Variants in AGBL1 observed in about 807,000 individuals in gnomAD.
AGBL1 encodes the protein cytosolic carboxypeptidase 4.
A neutral mutation model predicts 118.9 loss-of-function variants in AGBL1; 130 were observed. The observed-to-expected ratio is 1.09, with a 90% CI of 0.95 to 1.26. AGBL1 has a LOEUF of 1.26. Ranked by LOEUF, AGBL1 falls within the 50% of genes most tolerant of loss-of-function variation. The pLI is 0.00. For missense variants in AGBL1, 1,584 were observed against 1,298.1 expected, an observed-to-expected ratio of 1.22 and a Z score of -3.38; for synonymous variants, 555 against 478.9, an observed-to-expected ratio of 1.16 and a Z score of -2.08.
At chr15:86,429,944 T>A (rs1367337815) in intron 18 of AGBL1, among the ~76,000 whole-genome samples, 1 of 152,182 alleles carries the variant, frequency 6.6e-6, no homozygotes, top group Non-Finnish European at 1.5e-5. Flanking sequence ...GTGATGAAGC[T>A]TGGAGCTGCT....
At chr15:86,800,016 C>G (rs1403379318) in intron 22 of AGBL1, among the ~76,000 whole-genome samples, 2 of 152,022 alleles carry the variant, frequency 1.3e-5, no homozygotes, top group Non-Finnish European at 2.9e-5. Flanking sequence ...CTTTTGAGAG[C>G]GTCAAGTGGT....
At chr15:87,014,138 C>A (rs1185841746) in intron 24 of AGBL1, among the ~76,000 whole-genome samples, 5 of 152,156 alleles carry the variant, frequency 3.3e-5, no homozygotes, top group African/African-American at 9.7e-5. Flanking sequence ...TGATATGAAT[C>A]ATGATATAGC....
chr15:86,735,653 G>GCTATATATATATATATATAT (rs1555444825), intron 22 of AGBL1, among the ~76,000 whole-genome samples: 1 of 143,006 alleles, frequency 7.0e-6, no homozygotes, highest in African/African-American at 2.7e-5. Context: ...GCTACAAAGA[G>GCTATATATATATATATATAT]AGATATATAT....
chr15:86,860,974 G>C (rs1393623239), intron 22 of AGBL1, among the ~76,000 whole-genome samples: 1 of 152,114 alleles, frequency 6.6e-6, no homozygotes, highest in Non-Finnish European at 1.5e-5. Context: ...GATGTGGGAA[G>C]CTGTGTCAGT....
rs765274157 is a variant in AGBL1 at position 86,295,329 on chromosome 15, G to T, written c.2295G>T (p.Thr765=). The part of the protein sequence containing the change: ...VYFRQDVLCQ[T]LGGNPCPLVT... Reference sequence around the variant, plus strand: ...TCCGGCAAGATGTTCTCTGCCAGACGCTGGGAGGGAATCCGTGTCCCTTGG... The same window carrying T: ...TCCGGCAAGATGTTCTCTGCCAGACTCTGGGAGGGAATCCGTGTCCCTTGG... Residue 765 remains threonine (T), a synonymous_variant, in exon 17 of 23, where the codon ACG becomes ACT. Coordinates refer to ENST00000614907, the MANE Select transcript of AGBL1 (RefSeq NM_001386094.1). 5.5e-5 allele frequency: 88 copies of T among 1,613,408 alleles called. No homozygotes were observed. The Middle Eastern group carries it at 1.5e-3, about 27-fold the overall frequency.
chr15:86,342,480 A>AT (rs200330064), intron 17 of AGBL1, among the ~76,000 whole-genome samples: 4 of 152,144 alleles, frequency 2.6e-5, no homozygotes, highest in East Asian at 3.9e-4. Flanking sequence ...AAGATTAAAT[A>AT]TTTTTTTTAT....
Position 86,963,881 on chromosome 15 carries a change from T to C in AGBL1, c.3222-24106T>C, listed in dbSNP as rs113698710. On this transcript the variant is annotated intron_variant, in intron 23 of 24. Coordinates refer to the AGBL1 transcript ENST00000441037. Reference sequence around the variant, plus strand: ...GAGCTGGGCTCAGAGTTCATACTTATAAAGCCAGAGATAAGAGATCTTGAA... The same window carrying C: ...GAGCTGGGCTCAGAGTTCATACTTACAAAGCCAGAGATAAGAGATCTTGAA... Among the ~76,000 whole-genome samples, 170 of 152,080 alleles carry C rather than the reference T, an allele frequency of 1.1e-3. 1 individual carries two copies. The highest frequency in any genetic ancestry group is 3.9e-3 in the African/African-American group (162 of 41,526).
At chr15:86,306,073 A>G (rs1224111373) in intron 17 of AGBL1, among the ~76,000 whole-genome samples, 1 of 152,014 alleles carries the variant, frequency 6.6e-6, no homozygotes, top group Non-Finnish European at 1.5e-5. Flanking sequence ...GTGCACATGA[A>G]ATGTTTTGAT....
chr15:86,632,299 C>T (rs912867138), intron 21 of AGBL1, among the ~76,000 whole-genome samples: 2 of 127,360 alleles, frequency 1.6e-5, no homozygotes, highest in Non-Finnish European at 3.4e-5. Context: ...AAAAGGCTGG[C>T]CAGGTGCAGT....
At chr15:86,239,529 C>T (rs1816467484) in intron 6 of AGBL1, among the ~76,000 whole-genome samples, 1 of 152,048 alleles carries the variant, frequency 6.6e-6, no homozygotes, top group South Asian at 2.1e-4. Context: ...AATGGTGCCG[C>T]ACTCACACCT....
chr15:86,600,705 G>A (rs890335647), intron 21 of AGBL1, among the ~76,000 whole-genome samples: 1 of 152,138 alleles, frequency 6.6e-6, no homozygotes, highest in Non-Finnish European at 1.5e-5. Context: ...TCTGGGTGGG[G>A]AGCCCTGCTT....
At chr15:86,456,042 C>T (rs541479169) in intron 18 of AGBL1, among the ~76,000 whole-genome samples, 32 of 152,170 alleles carry the variant, frequency 2.1e-4, no homozygotes, top group Non-Finnish European at 3.7e-4. Flanking sequence ...TCATTCACTT[C>T]GATGTTCTGT....
chr15:86,853,354 A>G (rs972505753), intron 22 of AGBL1, among the ~76,000 whole-genome samples: 3 of 152,190 alleles, frequency 2.0e-5, no homozygotes, highest in African/African-American at 7.2e-5. Context: ...TAGAGAGCTA[A>G]TTACCTTATT....
chr15:86,269,992 AGCG>A lies in AGBL1; in HGVS notation c.1914_1916del (p.Gly639del). 6.2e-7 allele frequency: 1 copy of A among 1,613,770 alleles called. No individual in the cohort carries two copies. Among genetic ancestry groups the A allele is most frequent in the Non-Finnish European group, 8.5e-7 (1 of 1,179,810 alleles). On this transcript the variant is annotated inframe_deletion, in exon 14 of 23. Coordinates refer to ENST00000614907, the MANE Select transcript of AGBL1 (RefSeq NM_001386094.1). ...CCAGCAGTGGTTCTATTTCAAAGTGAGCGGTATGCAGGCGGCCATCCCTTACCA... is the reference window on the plus strand; with the variant it reads ...CCAGCAGTGGTTCTATTTCAAAGTGAGTATGCAGGCGGCCATCCCTTACCA...
chr15:86,301,469 C>A (rs937968819), intron 17 of AGBL1, among the ~76,000 whole-genome samples: 4 of 151,158 alleles, frequency 2.6e-5, no homozygotes, highest in African/African-American at 9.8e-5. Flanking sequence ...ACTACAAGAG[C>A]ATAATGAGTT....
chr15:86,473,507 G>C (rs979096261), intron 18 of AGBL1, among the ~76,000 whole-genome samples: 5 of 151,902 alleles, frequency 3.3e-5, no homozygotes, highest in African/African-American at 1.2e-4. Flanking sequence ...AGGGTATAAA[G>C]TTTCATCATT....
chr15:86,617,842 C>T (rs73443547), intron 21 of AGBL1, among the ~76,000 whole-genome samples: 1,966 of 151,926 alleles, frequency 0.013, 43 homozygotes, highest in African/African-American at 0.042. Context: ...AATGCAAGTA[C>T]TTCATAACAG....
At chr15:86,467,514 G>A (rs1026343718) in intron 18 of AGBL1, among the ~76,000 whole-genome samples, 2 of 152,176 alleles carry the variant, frequency 1.3e-5, no homozygotes, top group Admixed American at 1.3e-4. Flanking sequence ...GGCCCCACTG[G>A]GGTATGAATA....
intron 21 of AGBL1, among the ~76,000 whole-genome samples, chr15:86,607,725 C>CT (rs1209185897): frequency 1.3e-5 from 2 of 152,044 alleles, no homozygotes; most frequent in African/African-American, 2.4e-5. Flanking sequence ...AGTGAGGTGC[C>CT]TGTTCAGGTC....
Sources: gnomAD v4.1 joint callset for allele counts (sites outside exome capture counted in the v4.1 genomes callset) on GRCh38, gnomAD v4.1.1 for gene constraint, MANE v1.5 for transcripts, NCBI Gene and HGNC (gene_info 2026-07-23, HGNC 2026-07-21) for gene names.